TRIT1: variants seen among roughly 807,000 people sequenced by gnomAD.
TRIT1 encodes tRNA isopentenyltransferase 1, also known as tRNA dimethylallyltransferase.
In TRIT1, 43 loss-of-function variants were observed where a neutral mutation model predicts 51.2. That is an observed-to-expected ratio of 0.84 (90% CI 0.66 to 1.08). The LOEUF (loss-of-function observed/expected upper bound fraction) is 1.08. Ranked by LOEUF, TRIT1 falls within the 50% of genes least tolerant of loss-of-function variation. The probability of loss-of-function intolerance (pLI) is 0.00; values close to 1 mark genes in which losing one functional copy is unlikely to be tolerated. For synonymous variants in TRIT1, 184 were observed against 203.9 expected (o/e 0.90, Z 0.83); for missense variants, 528 against 578.4 (o/e 0.91, Z 0.89).
rs138333577 is a variant in TRIT1 at position 39,847,230 on chromosome 1, A to C, written c.996T>G (p.Arg332=). 37 of 1,613,966 alleles carry C rather than the reference A, an allele frequency of 2.3e-5. No homozygotes were observed. The African/African-American group carries it at 4.8e-4, about 21-fold the overall frequency. ...ARKQNRWVKN[R]FLSRPGPIVP... ...AAACATGAGACTTACTGCTCAAAAA[A>C]CGGTTTTTAACCCATCGGTTTTGTT... Residue 332 remains arginine (R), a synonymous_variant, in exon 8 of 11, where the codon CGT becomes CGG. Transcript: ENST00000316891.
At chr1:39,864,565 C>A (rs931860749) in intron 1 of TRIT1, among the ~76,000 whole-genome samples, 4 of 144,354 alleles carry the variant, frequency 2.8e-5, no homozygotes, top group Admixed American at 7.1e-5. Flanking sequence ...GCCAAGATTG[C>A]GCCACTGCAC....
chr1:39,864,655 A>G (rs559351826), intron 1 of TRIT1, among the ~76,000 whole-genome samples: 26 of 151,960 alleles, frequency 1.7e-4, no homozygotes, highest in Admixed American at 1.4e-3. Context: ...CCTGAAATTG[A>G]GAAACCCCGA....
At chr1:39,882,425 A>G (rs1644293022) in intron 1 of TRIT1, among the ~76,000 whole-genome samples, 1 of 152,220 alleles carries the variant, frequency 6.6e-6, no homozygotes, top group Non-Finnish European at 1.5e-5. Flanking sequence ...GTGAAGACTC[A>G]TAACTGTAAA....
Position 39,857,392 on chromosome 1 carries a change from G to C in TRIT1, c.200C>G (p.Thr67Ser). 6.2e-7 allele frequency: 1 copy of C among 1,614,154 alleles called. No homozygotes were observed. Among genetic ancestry groups the C allele is most frequent in the Non-Finnish European group, 8.5e-7 (1 of 1,180,000 alleles). The change falls in exon 2 of 11, where the codon ACC becomes AGC. Residue 67 changes from threonine (T) to serine (S), a missense_variant. Transcript: ENST00000316891. ...MQVYEGLDIITNKVSAQEQRI... is the reference protein window; with the variant it reads ...MQVYEGLDIISNKVSAQEQRI... ...CTGCTCTTGGGCAGAAACCTTGTTGGTGATGATGTCTAGGCCTTCATAGAC... is the reference window on the plus strand; with the variant it reads ...CTGCTCTTGGGCAGAAACCTTGTTGCTGATGATGTCTAGGCCTTCATAGAC...
rs749792896 is a variant in TRIT1, at chr1:39,857,320, G to C, written c.272C>G (p.Thr91Ser). ...TCTGAAGTCCACCACTGTGTAATTG[G>C]TCACAAGAGGATCCACAAAGCTGAT... ...HMISFVDPLV[T>S]NYTVVDFRNR... Residue 91 changes from threonine to serine, a missense_variant, in exon 2 of 11, where the codon ACC becomes AGC. By Grantham distance (58) the Thr-to-Ser change is moderately conservative (BLOSUM62 1). Around this residue, in one of 3 missense-constraint regions of TRIT1, gnomAD observed 468 missense variants for 522.6 expected, o/e 0.90. Transcript: ENST00000316891. 2.5e-6 allele frequency: 4 copies of C among 1,613,848 alleles called. No individual in the cohort carries two copies. The highest frequency in any genetic ancestry group is 2.5e-6 in the Non-Finnish European group (3 of 1,179,880).
intron 2 of TRIT1, 90 bp from the exon 3 acceptor site, chr1:39,854,158 G>T: frequency 1.1e-6 from 1 of 950,266 alleles, no homozygotes; most frequent in Non-Finnish European, 1.6e-6. Flanking sequence ...TCATTTATCT[G>T]CAGAGCAGAG....
At chr1:39,864,561 A>G (rs1474625959) in intron 1 of TRIT1, among the ~76,000 whole-genome samples, 1 of 146,728 alleles carries the variant, frequency 6.8e-6, no homozygotes, top group Non-Finnish European at 1.5e-5. Flanking sequence ...GTGAGCCAAG[A>G]TTGCGCCACT....
At chr1:39,864,845 G>A (rs546489240) in intron 1 of TRIT1, among the ~76,000 whole-genome samples, 4 of 152,290 alleles carry the variant, frequency 2.6e-5, no homozygotes, top group Non-Finnish European at 5.9e-5. Context: ...TGCTGGCTGT[G>A]ATGTCCCAAC....
chr1:39,845,876 C>G (rs1051547973), intron 8 of TRIT1, among the ~76,000 whole-genome samples: 1 of 152,142 alleles, frequency 6.6e-6, no homozygotes, highest in Non-Finnish European at 1.5e-5. Flanking sequence ...ACTCCAGCAC[C>G]AGGACGATGC....
intron 4 of TRIT1, among the ~76,000 whole-genome samples, chr1:39,851,741 G>C (rs913887881): frequency 6.6e-6 from 1 of 151,644 alleles, no homozygotes; most frequent in Non-Finnish European, 1.5e-5. Context: ...CTAGGAGTTT[G>C]GAACCAGCCT....
At position 39,840,871 on chromosome 1, in the gene TRIT1, A is replaced by G. The variant is rs1641847661; in HGVS notation, c.*873T>C. Among the ~76,000 whole-genome samples, 1 of 152,132 alleles carries G rather than the reference A, an allele frequency of 6.6e-6. No homozygotes were observed. The highest frequency in any genetic ancestry group is 1.5e-5 in the Non-Finnish European group (1 of 68,026). ...GGAAGTAATAGATCTCCAATAAAAG[A>G]CCCTCTCTAGATGTCTTCAAGGACT... On this transcript the variant is annotated 3_prime_UTR_variant, in exon 11 of 11. Coordinates refer to ENST00000316891, the MANE Select transcript of TRIT1 (RefSeq NM_017646.6).
chr1:39,859,767 G>A (rs1160960374), intron 1 of TRIT1, among the ~76,000 whole-genome samples: 4 of 152,082 alleles, frequency 2.6e-5, no homozygotes, highest in African/African-American at 9.7e-5. Flanking sequence ...TGCTAGTAGA[G>A]GATTTCTAAA....
intron 1 of TRIT1, among the ~76,000 whole-genome samples, chr1:39,866,038 AAAG>A (rs1557567351): frequency 1.3e-5 from 2 of 151,468 alleles, no homozygotes; most frequent in African/African-American, 4.9e-5. Context: ...AAAGAAAAGA[AAAG>A]AAAAAGAAAA....
intron 1 of TRIT1, among the ~76,000 whole-genome samples, chr1:39,874,948 G>A (rs193089116): frequency 1.3e-5 from 2 of 152,152 alleles, no homozygotes; most frequent in Non-Finnish European, 2.9e-5. Context: ...AATTATAGGC[G>A]TGAGCCACTG....
At chr1:39,852,290 A>G (rs1323527648) in intron 4 of TRIT1, among the ~76,000 whole-genome samples, 1 of 152,170 alleles carries the variant, frequency 6.6e-6, no homozygotes, top group Non-Finnish European at 1.5e-5. Context: ...GATAGTTTCC[A>G]TGTGCAAAGG....
intron 8 of TRIT1, among the ~76,000 whole-genome samples, chr1:39,846,811 T>C (rs536285035): frequency 6.6e-6 from 1 of 152,164 alleles, no homozygotes; most frequent in East Asian, 1.9e-4. Flanking sequence ...CTGGGAGAAA[T>C]GGTGAAGGTG....
At position 39,839,396 on chromosome 1, in the gene TRIT1, CAT is replaced by C. The variant is rs942239678; in HGVS notation, c.*2346_*2347del. ...TGCCTTGCTCTGTGACTGGAACATC[CAT>C]GTTTTAGGCCTCAGTTTCCCCATCC... On this transcript the variant is annotated 3_prime_UTR_variant, in exon 11 of 11. Coordinates refer to ENST00000316891, the MANE Select transcript of TRIT1 (RefSeq NM_017646.6). Among the ~76,000 whole-genome samples the C allele has an allele frequency of 8.5e-5, 13 of 152,176 alleles. No individual in the cohort carries two copies. The highest frequency in any genetic ancestry group is 1.8e-4 in the Non-Finnish European group (12 of 68,040).
At position 39,847,596 on chromosome 1, in the gene TRIT1, T is replaced by A. The variant is rs1390998022; in HGVS notation, c.880A>T (p.Thr294Ser). The A allele has an allele frequency of 1.2e-6, 2 of 1,614,242 alleles. No homozygotes were observed. Among genetic ancestry groups the A allele is most frequent in the South Asian group, 1.1e-5 (1 of 91,082 alleles). Residue 294 changes from threonine to serine, a missense_variant, in exon 7 of 11, where the codon ACT (threonine) becomes TCT (serine). Around this residue, in one of 3 missense-constraint regions of TRIT1, gnomAD observed 468 missense variants for 522.6 expected, o/e 0.90. Coordinates refer to ENST00000316891, the MANE Select transcript of TRIT1 (RefSeq NM_017646.6). ...GTCTCCAGTGTGCATTTTCCCTCAG[T>A]GATCAGGTACTCGTGAAATTCCTTG... Reference protein sequence around the residue: ...GFKEFHEYLITEGKCTLETSN... With the variant: ...GFKEFHEYLISEGKCTLETSN...
chr1:39,872,714 G>T (rs7525033), intron 1 of TRIT1, among the ~76,000 whole-genome samples: 27,842 of 147,126 alleles, frequency 0.19, 2,644 homozygotes, highest in East Asian at 0.3. Flanking sequence ...CACTGAAAGG[G>T]ACTAGAAGCA....
Sources: allele counts gnomAD v4.1 joint callset (sites outside exome capture counted in the v4.1 genomes callset), GRCh38; gene constraint gnomAD v4.1.1; regional missense constraint gnomAD v4.1.1; transcripts MANE v1.5; gene names NCBI Gene and HGNC (gene_info 2026-07-23, HGNC 2026-07-21).